Variants in ADAMTS19 observed in about 807,000 individuals in gnomAD.
The protein encoded by ADAMTS19 is ADAM metallopeptidase with thrombospondin type 1 motif 19.
A neutral mutation model predicts 153.3 loss-of-function variants in ADAMTS19; 93 were observed. The ratio of observed to expected loss-of-function variants is 0.61; its 90% confidence interval spans 0.51 to 0.72. The LOEUF (loss-of-function observed/expected upper bound fraction) is 0.72, where lower values mean the gene tolerates loss of function less well. Ranked by LOEUF, ADAMTS19 falls within the 30% of genes least tolerant of loss-of-function variation. The probability of loss-of-function intolerance (pLI) is 0.00; values close to 1 mark genes in which losing one functional copy is unlikely to be tolerated. For missense variants in ADAMTS19, 1,482 were observed against 1,552.1 expected (o/e 0.95, Z 0.76); for synonymous variants, 600 against 556.6 (o/e 1.08, Z -1.10).
chr5:129,634,154 A>G (rs1277318910), intron 10 of ADAMTS19, among the ~76,000 whole-genome samples: 2 of 152,154 alleles, frequency 1.3e-5, no homozygotes, highest in African/African-American at 4.8e-5. Context: ...TTCCCTCAAA[A>G]GTGTGCCTGC....
intron 13 of ADAMTS19, among the ~76,000 whole-genome samples, chr5:129,654,009 T>G (rs1212696097): frequency 6.6e-6 from 1 of 152,118 alleles, no homozygotes; most frequent in East Asian, 1.9e-4. Flanking sequence ...CCAATATTAT[T>G]CAGGGAGGAG....
chr5:129,494,217 A>C (rs1750857667), intron 2 of ADAMTS19, among the ~76,000 whole-genome samples: 1 of 152,122 alleles, frequency 6.6e-6, no homozygotes, highest in South Asian at 2.1e-4. Flanking sequence ...AAAATACTTA[A>C]TTATGAAGGA....
chr5:129,616,202 A>T, intron 8 of ADAMTS19, among the ~76,000 whole-genome samples: 1 of 151,958 alleles, frequency 6.6e-6, no homozygotes, highest in East Asian at 1.9e-4. Flanking sequence ...TTCTCCATGA[A>T]CACACAATAG....
chr5:129,668,315 C>T (rs187410), intron 16 of ADAMTS19, among the ~76,000 whole-genome samples: 143,033 of 152,282 alleles, frequency 0.94, 67,303 homozygotes, highest in East Asian at 1. Context: ...TAATGTGCCA[C>T]AGAAGGTAAT....
chr5:129,728,892 A>G lies in ADAMTS19; in HGVS notation c.3313-6040A>G, dbSNP rs182764382. On this transcript the variant is annotated intron_variant, in intron 21 of 22. Transcript: ENST00000274487. ...ATAATGTAGTATTCTGAGACATTCAAGCAAACTGTAATTTTAAGACTATGT... is the reference window on the plus strand; with the variant it reads ...ATAATGTAGTATTCTGAGACATTCAGGCAAACTGTAATTTTAAGACTATGT... Among the ~76,000 whole-genome samples the G allele has an allele frequency of 6.5e-4, 99 of 152,280 alleles. 1 individual carries two copies. The East Asian group carries it at 9.3e-3, about 14-fold the overall frequency.
chr5:129,540,170 C>T (rs1360510853), intron 6 of ADAMTS19, among the ~76,000 whole-genome samples: 18 of 152,014 alleles, frequency 1.2e-4, no homozygotes, highest in Non-Finnish European at 1.5e-5. Context: ...AGTAAATGCT[C>T]ATCGTAGATA....
At chr5:129,467,988 T>C (rs1749929999) in intron 2 of ADAMTS19, among the ~76,000 whole-genome samples, 1 of 152,234 alleles carries the variant, frequency 6.6e-6, no homozygotes, top group East Asian at 1.9e-4. Context: ...CACAATTGAG[T>C]GTGTAAAGAG....
chr5:129,576,942 G>C (rs112654870), intron 7 of ADAMTS19, among the ~76,000 whole-genome samples: 4 of 152,184 alleles, frequency 2.6e-5, no homozygotes, highest in Non-Finnish European at 5.9e-5. Context: ...TCATCCATAG[G>C]TTCCCTGTGT....
rs933044513 is a variant in ADAMTS19 at position 129,684,360 on chromosome 5, A to G, written c.2818+87A>G. On this transcript the variant is annotated intron_variant, in intron 18 of 22. Coordinates refer to ENST00000274487, the MANE Select transcript of ADAMTS19 (RefSeq NM_133638.6). ...TAATTAAGACATATCCAAAATCCCT[A>G]ATCTGCAATTCCAAAATCCATAAAG... The G allele has an allele frequency of 1.3e-5, 19 of 1,480,624 alleles. No homozygotes were observed. In the African/African-American group the frequency reaches 2.7e-4, roughly 21 times the overall value. 91.7% of individuals were successfully genotyped at this position (1,480,624 alleles called of 1,614,324 possible).
At chr5:129,465,533 T>C (rs1749826724) in intron 2 of ADAMTS19, among the ~76,000 whole-genome samples, 1 of 152,164 alleles carries the variant, frequency 6.6e-6, no homozygotes, top group Admixed American at 6.5e-5. Flanking sequence ...TGATACAGAA[T>C]CTGGAGCCTT....
At chr5:129,519,413 G>A (rs545440045) in intron 3 of ADAMTS19, among the ~76,000 whole-genome samples, 1 of 152,096 alleles carries the variant, frequency 6.6e-6, no homozygotes, top group East Asian at 1.9e-4. Flanking sequence ...AGTCTCTTTG[G>A]AGCCACCAGC....
intron 6 of ADAMTS19, 135 bp downstream of exon 6, chr5:129,528,812 T>G (rs1239251406): frequency 1.9e-5 from 12 of 616,126 alleles, no homozygotes; most frequent in Middle Eastern, 3.8e-4. Flanking sequence ...ATGATGTTAG[T>G]CATCTCCCTC....
intron 18 of ADAMTS19, among the ~76,000 whole-genome samples, chr5:129,688,851 C>A (rs1755206023): frequency 6.6e-6 from 1 of 152,172 alleles, no homozygotes; most frequent in Non-Finnish European, 1.5e-5. Flanking sequence ...CGTTAGAGTT[C>A]TAAAACATCT....
intron 7 of ADAMTS19, among the ~76,000 whole-genome samples, chr5:129,578,646 A>G (rs1749330632): frequency 6.6e-6 from 1 of 151,650 alleles, no homozygotes; most frequent in Non-Finnish European, 1.5e-5. Flanking sequence ...CCCTGTGTCC[A>G]TGTGTTCTCA....
intron 2 of ADAMTS19, among the ~76,000 whole-genome samples, chr5:129,504,556 A>G (rs1751206363): frequency 6.6e-6 from 1 of 152,092 alleles, no homozygotes; most frequent in Admixed American, 6.6e-5. Flanking sequence ...CAAATATACA[A>G]TGCATCATTT....
intron 2 of ADAMTS19, among the ~76,000 whole-genome samples, chr5:129,492,156 A>T (rs1421140189): frequency 6.6e-6 from 1 of 152,186 alleles, no homozygotes; most frequent in Non-Finnish European, 1.5e-5. Context: ...CATGCATCTC[A>T]CATGGCGAAA....
chr5:129,607,388 G>A (rs967304324), intron 8 of ADAMTS19, among the ~76,000 whole-genome samples: 5 of 152,000 alleles, frequency 3.3e-5, no homozygotes, highest in African/African-American at 4.8e-5. Context: ...TTCACAGCAC[G>A]AAGTTGAATG....
In ADAMTS19 at chr5:129,528,538, C is replaced by A; in HGVS notation, c.1189C>A (p.His397Asn). The A allele has an allele frequency of 6.2e-7, 1 of 1,600,826 alleles. No homozygotes were observed. Among genetic ancestry groups the A allele is most frequent in the South Asian group, 1.1e-5 (1 of 89,020 alleles). ...TTTGCAGCCAGAACTATATATTGGG[C>A]ATCATGGAGAAAAAATGCTAGAGAG... Reference protein sequence around the residue: ...HETPPELYIGHHGEKMLESFC... With the variant: ...HETPPELYIGNHGEKMLESFC... Residue 397 changes from histidine (H) to asparagine (N), a missense_variant, in exon 6 of 23, where the codon CAT (histidine) becomes AAT (asparagine). Transcript: ENST00000274487.
At chr5:129,631,268 T>C (rs572142670) in intron 10 of ADAMTS19, among the ~76,000 whole-genome samples, 211 of 151,732 alleles carry the variant, frequency 1.4e-3, no homozygotes, top group African/African-American at 4.9e-3. Context: ...TTAAATTTAT[T>C]GAGACTCATT....
Sources: allele counts gnomAD v4.1 joint callset (sites outside exome capture counted in the v4.1 genomes callset), GRCh38; gene constraint gnomAD v4.1.1; transcripts MANE v1.5; gene names NCBI Gene and HGNC (gene_info 2026-07-23, HGNC 2026-07-21).